TXNL4B: variants seen among roughly 807,000 people sequenced by gnomAD.
TXNL4B encodes thioredoxin like 4B, also known as thioredoxin-like protein 4B.
Under a neutral mutation model 13.0 loss-of-function variants are expected in TXNL4B, and 12 were observed. The ratio of observed to expected loss-of-function variants is 0.92; its 90% CI spans 0.59 to 1.49. TXNL4B has a LOEUF of 1.49. Among genes scored for constraint, TXNL4B ranks in the 40% most tolerant of loss-of-function variants. The probability of loss-of-function intolerance (pLI) is 0.00; values close to 1 mark genes in which losing one functional copy is unlikely to be tolerated. For synonymous variants in TXNL4B, 59 were observed against 58.9 expected (o/e 1.00, Z -0.01); for missense variants, 214 against 173.6 (o/e 1.23, Z -1.31).
At chr16:72,090,057 C>T (rs891390839) in intron 2 of TXNL4B, 29 of 455,474 alleles carry the variant, frequency 6.4e-5, no homozygotes, top group East Asian at 6.3e-4. Context: ...ATTGTAACCA[C>T]GGAAATGAGG....
chr16:72,091,598 T>C (rs1419199616), intron 1 of TXNL4B, among the ~76,000 whole-genome samples: 3 of 152,238 alleles, frequency 2.0e-5, no homozygotes, highest in South Asian at 2.1e-4. Context: ...CATATCTCTA[T>C]ATAGAGAACA....
rs1006033014 is a variant in TXNL4B at position 72,093,600 on chromosome 16, C to T, written c.-271G>A. 1 of 152,290 alleles carries T rather than the reference C, an allele frequency of 6.6e-6. No individual in the cohort carries two copies. The highest frequency in any genetic ancestry group is 2.4e-5 in the African/African-American group (1 of 41,458). 9.4% of individuals were successfully genotyped at this position (152,290 alleles called of 1,614,324 possible). ...AAACTCCTGGCCGTCGGTCGGCCCC[C>T]GCTCAACAGCCCAATAAACGGAAGA... On this transcript the variant is annotated 5_prime_UTR_variant, in exon 1 of 4. Transcript: ENST00000268483.
At chr16:72,087,930 C>T (rs1475310491) in intron 3 of TXNL4B, among the ~76,000 whole-genome samples, 1 of 152,174 alleles carries the variant, frequency 6.6e-6, no homozygotes, top group East Asian at 1.9e-4. Flanking sequence ...TGCCATTTTT[C>T]TGCCTCAGCC....
chr16:72,086,598 G>C lies in TXNL4B; in HGVS notation c.*39C>G, dbSNP rs777286492. The C allele has an allele frequency of 2.5e-6, 4 of 1,576,568 alleles. No homozygotes were observed. The highest frequency in any genetic ancestry group is 3.5e-6 in the Non-Finnish European group (4 of 1,148,366). ...CAGCTGGATTCAGGTACTGTGTCAA[G>C]ATGTGCCTTCTTCTTCATCTTTGAC... On this transcript the variant is annotated 3_prime_UTR_variant, in exon 4 of 4. Transcript: ENST00000268483.
In TXNL4B at chr16:72,090,614, T is replaced by C; in HGVS notation, c.132+4A>G. 6.2e-7 allele frequency: 1 copy of C among 1,613,530 alleles called. No individual in the cohort carries two copies. Among genetic ancestry groups the C allele is most frequent in the Non-Finnish European group, 8.5e-7 (1 of 1,179,824 alleles). On this transcript the variant is annotated splice_donor_region_variant and intron_variant, in intron 2 of 3. Coordinates refer to ENST00000268483, the MANE Select transcript of TXNL4B (RefSeq NM_017853.3). ...AAAACCAATTATTTTAGACATTCAC[T>C]TACAATATCATCTAGCTGCAGACAG... is the stretch of plus-strand genomic sequence containing the variant.
chr16:72,088,950 A>C, intron 3 of TXNL4B, 37 bp downstream of exon 3: 4 of 1,548,604 alleles, frequency 2.6e-6, no homozygotes, highest in East Asian at 2.3e-5. Context: ...AAGGAAACTT[A>C]CAAGGTTGCA....
chr16:72,089,166 A>ACAATC (rs2041866074), intron 2 of TXNL4B, 28 bp from the exon 3 acceptor site: 1 of 1,582,100 alleles, frequency 6.3e-7, no homozygotes, highest in South Asian at 1.1e-5. Flanking sequence ...GACAAAGGTT[A>ACAATC]CAATATGAGA....
At position 72,086,687 on chromosome 16, in the gene TXNL4B, T is replaced by C. The variant is rs200654879; in HGVS notation, c.400A>G (p.Ile134Val). 43 of 1,613,916 alleles carry C rather than the reference T, an allele frequency of 2.7e-5. No individual in the cohort carries two copies. The highest frequency in any genetic ancestry group is 6.7e-5 in the African/African-American group (5 of 74,940). The change falls in exon 4 of 4, where the codon ATT becomes GTT. Residue 134 changes from isoleucine to valine, a missense_variant. Ile to Val is a conservative substitution (Grantham distance 29). Coordinates refer to ENST00000268483, the MANE Select transcript of TXNL4B (RefSeq NM_017853.3). The stretch of plus-strand genomic sequence containing the variant: ...TATTTGGGAATATTCTTGGGATCAA[T>C]AGGACTTTGGACAATAAGCTTCCCC... Reference protein sequence around the residue: ...MRGKLIVQSPIDPKNIPKYDL... With the variant: ...MRGKLIVQSPVDPKNIPKYDL...
In TXNL4B at chr16:72,093,431, A is replaced by C. The variant is rs1480298407; in HGVS notation, c.-102T>G. 3.3e-5 allele frequency: 5 copies of C among 152,290 alleles called. No individual in the cohort carries two copies. The highest frequency in any genetic ancestry group is 6.5e-5 in the Admixed American group (1 of 15,272). The allele number at this position is 152,290 out of a possible 1,614,324, so 9.4% of individuals were successfully genotyped here. A position where few individuals can be genotyped will look rare whatever the true frequency, so the allele number is the denominator to read the frequency against. On this transcript the variant is annotated 5_prime_UTR_variant, in exon 1 of 4. Coordinates refer to ENST00000268483, the MANE Select transcript of TXNL4B (RefSeq NM_017853.3). ...GCTGTCAGCAACCACTTCTCGGAAG[A>C]GCCCGGGCGCGGACAGCTCCTTTCA...
At position 72,086,335 on chromosome 16, in the gene TXNL4B, G is replaced by C. The variant is rs900416705; in HGVS notation, c.*302C>G. The C allele has an allele frequency of 4.6e-6, 1 of 216,096 alleles. No homozygotes were observed. The highest frequency in any genetic ancestry group is 2.3e-5 in the African/African-American group (1 of 43,932). 13.4% of individuals were successfully genotyped at this position (216,096 alleles called of 1,614,324 possible). A position where few individuals can be genotyped will look rare whatever the true frequency, so the allele number is the denominator to read the frequency against. On this transcript the variant is annotated 3_prime_UTR_variant, in exon 4 of 4. Transcript: ENST00000268483. Reference sequence around the variant, plus strand: ...AGTTGTACTAGCCAATGTTTGGGAGGGTTCTGTATTAAAGGGATAAAGAAA... The same window carrying C: ...AGTTGTACTAGCCAATGTTTGGGAGCGTTCTGTATTAAAGGGATAAAGAAA...
rs754726953 is a variant in TXNL4B, at chr16:72,089,107, A to G, written c.164T>C (p.Met55Thr). The G allele has an allele frequency of 2.5e-6, 4 of 1,612,922 alleles. No individual in the cohort carries two copies. In the East Asian group the frequency reaches 6.7e-5, roughly 27 times the overall value. Reference protein sequence around the residue: ...LSKTSSDLSKMAAIYLVDVDQ... With the variant: ...LSKTSSDLSKTAAIYLVDVDQ... ...CACATCTACCAGGTATATAGCAGCC[A>G]TTTTACTTAAGTCAGAAGAGGTCTT... The change falls in exon 3 of 4, where the codon ATG becomes ACG. Residue 55 changes from methionine (M) to threonine (T), a missense_variant. Met to Thr is a moderately conservative substitution (Grantham distance 81). Coordinates refer to ENST00000268483, the MANE Select transcript of TXNL4B (RefSeq NM_017853.3).
At chr16:72,091,818 G>A (rs922518204) in intron 1 of TXNL4B, among the ~76,000 whole-genome samples, 1 of 152,118 alleles carries the variant, frequency 6.6e-6, no homozygotes, top group Admixed American at 6.5e-5. Flanking sequence ...AAATACTGAG[G>A]TACAAGGGAC....
At position 72,086,036 on chromosome 16, in the gene TXNL4B, G is replaced by A. The variant is rs921358053; in HGVS notation, c.*601C>T. The A allele has an allele frequency of 6.6e-6, 1 of 151,868 alleles. No individual in the cohort carries two copies. Among genetic ancestry groups the A allele is most frequent in the African/African-American group, 2.4e-5 (1 of 41,346 alleles). 9.4% of individuals were successfully genotyped at this position (151,868 alleles called of 1,614,324 possible). A position where few individuals can be genotyped will look rare whatever the true frequency, so the allele number is the denominator to read the frequency against. ...AAAAAAAATTAAATGAGCCAACCAG[G>A]ACAATGTTTAAAAGCCAGAGCCAAA... On this transcript the variant is annotated 3_prime_UTR_variant, in exon 4 of 4. Coordinates refer to ENST00000268483, the MANE Select transcript of TXNL4B (RefSeq NM_017853.3).
chr16:72,090,418 G>A (rs1011295294), intron 2 of TXNL4B, among the ~76,000 whole-genome samples, 200 bp downstream of exon 2: 3 of 152,158 alleles, frequency 2.0e-5, no homozygotes, highest in African/African-American at 7.2e-5. Context: ...CTTCTAGTGG[G>A]TAAGGACATC....
Position 72,086,738 on chromosome 16 carries a change from C to CA in TXNL4B, c.348dup (p.Glu117Ter). 1 of 1,613,588 alleles carries CA rather than the reference C, an allele frequency of 6.2e-7. No individual in the cohort carries two copies. The highest frequency in any genetic ancestry group is 8.5e-7 in the Non-Finnish European group (1 of 1,179,534). ...CTCATTGCTCCTCGATAGATTACTT[C>CA]AATCAAATCTATGAAGTCTTGTTTG... On this transcript the variant is annotated frameshift_variant, in exon 4 of 4. Transcript: ENST00000268483. LOFTEE classifies it high-confidence loss of function.
Position 72,086,772 on chromosome 16 carries a change from G to A in TXNL4B, c.315C>T (p.Ser105=). The part of the protein sequence containing the change: ...GSPDHTKFVG[S]FKTKQDFIDL... ...CTATGAAGTCTTGTTTGGTTTTGAA[G>A]CTTCCCACAAACTTAGTGTGATCTG... is the stretch of plus-strand genomic sequence containing the variant. The change falls in exon 4 of 4, where the codon AGC becomes AGT. Residue 105 remains serine (S), a synonymous_variant. Transcript: ENST00000268483. 1 of 1,612,994 alleles carries A rather than the reference G, an allele frequency of 6.2e-7. No homozygotes were observed. Among genetic ancestry groups the A allele is most frequent in the African/African-American group, 1.3e-5 (1 of 75,044 alleles).
At chr16:72,092,943 A>C (rs544164170) in intron 1 of TXNL4B, among the ~76,000 whole-genome samples, 4 of 152,334 alleles carry the variant, frequency 2.6e-5, no homozygotes, top group Admixed American at 6.5e-5. Context: ...ATGCAGACAC[A>C]AAACCTTTCT....
intron 3 of TXNL4B, among the ~76,000 whole-genome samples, chr16:72,088,098 C>T (rs1279859579): frequency 1.3e-5 from 2 of 152,150 alleles, no homozygotes; most frequent in South Asian, 2.1e-4. Flanking sequence ...GGATTACACG[C>T]GTGAGCCACT....
rs1259987222 is a variant in TXNL4B, at chr16:72,086,695, T to G, written c.392A>C (p.Gln131Pro). 1.9e-6 allele frequency: 3 copies of G among 1,614,054 alleles called. No homozygotes were observed. Among genetic ancestry groups the G allele is most frequent in the East Asian group, 4.5e-5 (2 of 44,886 alleles). Residue 131 changes from glutamine to proline, a missense_variant, in exon 4 of 4, where the codon CAA becomes CCA. Gln to Pro is a moderately conservative substitution (Grantham distance 76). Transcript: ENST00000268483. ...AATATTCTTGGGATCAATAGGACTTTGGACAATAAGCTTCCCCCTCATTGC... is the reference window on the plus strand; with the variant it reads ...AATATTCTTGGGATCAATAGGACTTGGGACAATAAGCTTCCCCCTCATTGC... ...RGAMRGKLIVQSPIDPKNIPK... is the reference protein window; with the variant it reads ...RGAMRGKLIVPSPIDPKNIPK...
Sources: allele counts gnomAD v4.1 joint callset (sites outside exome capture counted in the v4.1 genomes callset), GRCh38; gene constraint gnomAD v4.1.1; transcripts MANE v1.5; gene names NCBI Gene and HGNC (gene_info 2026-07-23, HGNC 2026-07-21).